Variants in DOCK3 observed in about 807,000 individuals in gnomAD.
DOCK3 encodes the protein dedicator of cytokinesis protein 3.
DOCK3 carries 60 observed loss-of-function variants against 265.6 expected under a neutral mutation model. The observed-to-expected ratio is 0.23, with a 90% CI of 0.18 to 0.28. The LOEUF is 0.28. Ranked by LOEUF, DOCK3 falls within the 10% of genes least tolerant of loss-of-function variation. The pLI is 1.00. For synonymous variants in DOCK3, 881 were observed against 938.0 expected (o/e 0.94, Z 1.11); for missense variants, 1,981 against 2,594.3 (o/e 0.76, Z 5.14).
chr3:51,101,251 G>C (rs1293780377), intron 9 of DOCK3, among the ~76,000 whole-genome samples: 1 of 151,612 alleles, frequency 6.6e-6, no homozygotes, highest in Non-Finnish European at 1.5e-5. Context: ...CTCCCGAGTA[G>C]CTGGGACTAC....
intron 1 of DOCK3, among the ~76,000 whole-genome samples, chr3:50,754,181 A>AG (rs2040015033): frequency 6.8e-6 from 1 of 147,462 alleles, no homozygotes; most frequent in African/African-American, 2.5e-5. Context: ...AAAAAAAAAA[A>AG]GCTGCAGGAG....
chr3:50,907,660 A>G (rs2049598843), intron 4 of DOCK3, among the ~76,000 whole-genome samples: 1 of 152,014 alleles, frequency 6.6e-6, no homozygotes, highest in African/African-American at 2.4e-5. Context: ...TGCACATGAG[A>G]TGAGTCTCCT....
At chr3:51,122,451 TAAAA>T (rs2084069346) in intron 9 of DOCK3, among the ~76,000 whole-genome samples, 1 of 151,986 alleles carries the variant, frequency 6.6e-6, no homozygotes. Context: ...TGTCTCAAAA[TAAAA>T]GAAAGATAGA....
intron 32 of DOCK3, among the ~76,000 whole-genome samples, chr3:51,315,540 A>G (rs1380262163): frequency 1.3e-5 from 2 of 152,014 alleles, no homozygotes; most frequent in African/African-American, 2.4e-5. Context: ...TTTATAGACT[A>G]CTGCACAGAG....
chr3:50,995,774 G>A lies in DOCK3; in HGVS notation c.315+61697G>A, dbSNP rs28464421. 2.8e-3 allele frequency among the ~76,000 whole-genome samples: 425 copies of A among 152,310 alleles called. 3 individuals carry two copies. The highest frequency in any genetic ancestry group is 9.8e-3 in the African/African-American group (407 of 41,558). ...GTAGGGGCATAATGGGAAGAAGGGT[G>A]TTCCAACCTAGAGAGACTGGGCAAA... On this transcript the variant is annotated intron_variant, in intron 5 of 52. Coordinates refer to ENST00000266037, the MANE Select transcript of DOCK3 (RefSeq NM_004947.5).
chr3:51,068,090 T>C (rs2081670935), intron 6 of DOCK3, among the ~76,000 whole-genome samples: 1 of 152,348 alleles, frequency 6.6e-6, no homozygotes, highest in African/African-American at 2.4e-5. Context: ...TAAACTCTTA[T>C]GCCTTTTCTC....
intron 10 of DOCK3, among the ~76,000 whole-genome samples, chr3:51,148,938 C>T (rs528011460): frequency 1.6e-4 from 25 of 152,172 alleles, no homozygotes; most frequent in Admixed American, 2.6e-4. Flanking sequence ...TTGGGCAATA[C>T]GGCCATTTTC....
intron 5 of DOCK3, among the ~76,000 whole-genome samples, chr3:51,017,917 G>C (rs2079419575): frequency 6.6e-6 from 1 of 151,740 alleles, no homozygotes. Flanking sequence ...TTTTTAGACA[G>C]AGTTTTACTC....
At position 50,909,699 on chromosome 3, in the gene DOCK3, G is replaced by A. The variant is rs181191335; in HGVS notation, c.218+19618G>A. ...GAGAATCTGATGATTATGTGTCTTG[G>A]GGTTGATCTTCTTGTGGAGTATCTT... is the stretch of plus-strand genomic sequence containing the variant. On this transcript the variant is annotated intron_variant, in intron 4 of 52. Coordinates refer to ENST00000266037, the MANE Select transcript of DOCK3 (RefSeq NM_004947.5). 9.1e-4 allele frequency among the ~76,000 whole-genome samples: 134 copies of A among 147,118 alleles called. 1 individual carries two copies. The highest frequency in any genetic ancestry group is 2.6e-3 in the South Asian group (12 of 4,604).
chr3:51,357,267 C>A (rs749937718), intron 44 of DOCK3, 126 bp downstream of exon 44: 19 of 1,103,302 alleles, frequency 1.7e-5, no homozygotes, highest in Non-Finnish European at 2.3e-5. Flanking sequence ...TTGACATGGT[C>A]CTGGAATGAG....
At chr3:50,721,412 C>T (rs1032647867) in intron 1 of DOCK3, among the ~76,000 whole-genome samples, 2 of 152,088 alleles carry the variant, frequency 1.3e-5, no homozygotes. Flanking sequence ...CATATGGCTA[C>T]CCAGTTATCC....
intron 24 of DOCK3, among the ~76,000 whole-genome samples, chr3:51,272,759 T>C (rs1278808961): frequency 6.6e-6 from 1 of 152,088 alleles, no homozygotes; most frequent in Non-Finnish European, 1.5e-5. Context: ...CTGTTTATGC[T>C]GGTAAACAGT....
chr3:51,151,496 A>G (rs1412590860), intron 10 of DOCK3, among the ~76,000 whole-genome samples: 1 of 152,198 alleles, frequency 6.6e-6, no homozygotes, highest in Non-Finnish European at 1.5e-5. Context: ...TAGACAGATC[A>G]ATGAGACAGA....
chr3:50,722,605 G>A (rs146153811), intron 1 of DOCK3, among the ~76,000 whole-genome samples: 4 of 152,192 alleles, frequency 2.6e-5, no homozygotes, highest in East Asian at 1.9e-4. Context: ...AGGATAAAGC[G>A]ATTCATAATT....
At chr3:50,878,575 A>G (rs1331826656) in intron 3 of DOCK3, among the ~76,000 whole-genome samples, 3 of 139,550 alleles carry the variant, frequency 2.1e-5, no homozygotes, top group Non-Finnish European at 4.5e-5. Context: ...AGAGAAGTTT[A>G]GAGAAAAAAG....
intron 4 of DOCK3, among the ~76,000 whole-genome samples, chr3:50,910,999 G>T (rs914180372): frequency 2.0e-5 from 3 of 147,580 alleles, no homozygotes; most frequent in Non-Finnish European, 3.0e-5. Flanking sequence ...TCATTTGTCT[G>T]TTTTTTTTTT....
At chr3:50,995,114 T>G (rs1038041440) in intron 5 of DOCK3, among the ~76,000 whole-genome samples, 16 of 151,904 alleles carry the variant, frequency 1.1e-4, no homozygotes, top group Admixed American at 2.0e-4. Context: ...TTTAATACAG[T>G]GTTTTTATAT....
chr3:50,708,791 C>G (rs1223819235), intron 1 of DOCK3, among the ~76,000 whole-genome samples: 1 of 152,222 alleles, frequency 6.6e-6, no homozygotes, highest in Non-Finnish European at 1.5e-5. Context: ...CCAAACCTGG[C>G]TGGCTGCCTT....
intron 1 of DOCK3, among the ~76,000 whole-genome samples, chr3:50,682,331 C>T (rs79805563): frequency 0.013 from 1,937 of 152,296 alleles, 53 homozygotes; most frequent in African/African-American, 0.044. Flanking sequence ...CGCCATGTCC[C>T]AGGACCATTA....
Sources: gnomAD v4.1 joint callset for allele counts (sites outside exome capture counted in the v4.1 genomes callset) on GRCh38, gnomAD v4.1.1 for gene constraint, MANE v1.5 for transcripts, NCBI Gene and HGNC (gene_info 2026-07-23, HGNC 2026-07-21) for gene names.